The following RPS6KA2 variants were observed in gnomAD, a reference collection of about 807,000 sequenced individuals.
The protein encoded by RPS6KA2 is ribosomal protein S6 kinase alpha-2.
Under a neutral mutation model 91.8 loss-of-function variants are expected in RPS6KA2, and 42 were observed. That is an observed-to-expected ratio of 0.46 (90% CI 0.36 to 0.59). The LOEUF is 0.59. RPS6KA2 is among the 20% of genes least tolerant of loss of function. The pLI is 0.00. For synonymous variants in RPS6KA2, 414 were observed against 393.6 expected (o/e 1.05, Z -0.61); for missense variants, 798 against 978.5 (o/e 0.82, Z 2.46).
chr6:166,635,803 G>A lies in RPS6KA2; in HGVS notation c.124-97019C>T, dbSNP rs1247300887. Among the ~76,000 whole-genome samples, 3 of 151,942 alleles carry A rather than the reference G, an allele frequency of 2.0e-5. No homozygotes were observed. Among genetic ancestry groups the A allele is most frequent in the African/African-American group, 7.3e-5 (3 of 41,370 alleles). ...GGACAAGCCACCATCCCCACCCTGG[G>A]GAGAAGGCTGCATCCACCCCAGGAG... On this transcript the variant is annotated intron_variant, in intron 2 of 21. Coordinates refer to the RPS6KA2 transcript ENST00000503859. The surrounding 1 kb of genome is among the most constrained non-coding windows in gnomAD (Gnocchi z 4.8).
At chr6:166,486,259 CACACACACACAT>C (rs57646994) in intron 10 of RPS6KA2, among the ~76,000 whole-genome samples, 54,841 of 150,682 alleles carry the variant, frequency 0.36, 10,348 homozygotes, top group East Asian at 0.56. Context: ...GCTGTGAGCA[CACACACACACAT>C]GTGCACGCAC....
intron 2 of RPS6KA2, among the ~76,000 whole-genome samples, chr6:166,715,692 G>A (rs1042684553): frequency 1.5e-4 from 23 of 152,112 alleles, no homozygotes; most frequent in African/African-American, 5.1e-4. Flanking sequence ...GCACACACAC[G>A]GCTGCGCTGA....
At chr6:166,700,470 T>C (rs1789476077) in intron 2 of RPS6KA2, among the ~76,000 whole-genome samples, 1 of 151,386 alleles carries the variant, frequency 6.6e-6, no homozygotes, top group Non-Finnish European at 1.5e-5. Flanking sequence ...ACTTCTATCA[T>C]TATAAAGTAT....
chr6:166,433,712 T>C lies in RPS6KA2; in HGVS notation c.1333-1222A>G, dbSNP rs1779209800. ...ATGAGGGTGACTTGCTTTTAACTTC[T>C]ATCATGTCAAAGTCTCTAGGCAGAG... On this transcript the variant is annotated intron_variant, in intron 14 of 20. Coordinates refer to ENST00000265678, the MANE Select transcript of RPS6KA2 (RefSeq NM_021135.6). This position sits in a 1 kb window ranked among gnomAD's most constrained non-coding sequence, Gnocchi z 4.4. 6.6e-6 allele frequency among the ~76,000 whole-genome samples: 1 copy of C among 152,232 alleles called. No homozygotes were observed. The highest frequency in any genetic ancestry group is 2.1e-4 in the South Asian group (1 of 4,824).
chr6:166,497,771 C>T (rs542307702), intron 8 of RPS6KA2, among the ~76,000 whole-genome samples: 7 of 152,366 alleles, frequency 4.6e-5, no homozygotes, highest in African/African-American at 7.2e-5. Flanking sequence ...TTCTGCCACA[C>T]GCCAGCGGAG....
intron 1 of RPS6KA2, among the ~76,000 whole-genome samples, chr6:166,623,532 A>C (rs917353511): frequency 2.0e-5 from 3 of 152,216 alleles, no homozygotes; most frequent in Non-Finnish European, 4.4e-5. Flanking sequence ...TAGGCCAGAC[A>C]CTCAGAGGGT....
chr6:166,450,366 G>A (rs1355128834), intron 13 of RPS6KA2, among the ~76,000 whole-genome samples: 2 of 124,042 alleles, frequency 1.6e-5, no homozygotes, highest in East Asian at 5.7e-4. Context: ...CTAGGCACCA[G>A]CATGGGGACC....
chr6:166,772,435 G>A (rs969793268), intron 2 of RPS6KA2, among the ~76,000 whole-genome samples: 2 of 152,216 alleles, frequency 1.3e-5, no homozygotes, highest in Non-Finnish European at 2.9e-5. Context: ...GTGTCCTGCC[G>A]ACAGCTTCGG....
chr6:166,446,332 C>G (rs1035088485), intron 14 of RPS6KA2, among the ~76,000 whole-genome samples: 3 of 152,232 alleles, frequency 2.0e-5, no homozygotes, highest in Non-Finnish European at 2.9e-5. Flanking sequence ...CATGGGGCTG[C>G]ACCTTCCCGT....
rs540219215 is a variant in RPS6KA2 at position 166,444,422 on chromosome 6, T to C, written c.1332+4302A>G. 3.0e-4 allele frequency among the ~76,000 whole-genome samples: 45 copies of C among 152,370 alleles called. No homozygotes were observed. The South Asian group carries it at 8.1e-3, about 27-fold the overall frequency. On this transcript the variant is annotated intron_variant, in intron 14 of 20. Coordinates refer to ENST00000265678, the MANE Select transcript of RPS6KA2 (RefSeq NM_021135.6). ...TAAAAACAAAGGCGGACTTTAGTTT[T>C]CCATTAGATTACTTAGCTGTTTTGT... is the stretch of plus-strand genomic sequence containing the variant.
At chr6:166,734,966 C>G (rs1431087774) in intron 2 of RPS6KA2, among the ~76,000 whole-genome samples, 4 of 152,190 alleles carry the variant, frequency 2.6e-5, no homozygotes, top group Non-Finnish European at 5.9e-5. Flanking sequence ...AGAAAGAAGT[C>G]TCAGTTTAGA....
chr6:166,458,232 A>G (rs1780166961), intron 12 of RPS6KA2, among the ~76,000 whole-genome samples: 2 of 152,168 alleles, frequency 1.3e-5, no homozygotes, highest in African/African-American at 2.4e-5. Context: ...CATGTGTTGT[A>G]GGAGGGACCT....
At chr6:166,621,140 A>G (rs1274037771) in intron 1 of RPS6KA2, among the ~76,000 whole-genome samples, 1 of 152,238 alleles carries the variant, frequency 6.6e-6, no homozygotes, top group Non-Finnish European at 1.5e-5. Flanking sequence ...ATTCTTGGGA[A>G]CACCCTCTGA....
chr6:166,819,802 T>G (rs1279671963), intron 2 of RPS6KA2, among the ~76,000 whole-genome samples: 4 of 152,208 alleles, frequency 2.6e-5, no homozygotes, highest in African/African-American at 9.7e-5. Context: ...GCTGTATGAA[T>G]AATGCTGCAA....
At chr6:166,470,383 CG>C (rs1170249039) in intron 10 of RPS6KA2, among the ~76,000 whole-genome samples, 2 of 152,176 alleles carry the variant, frequency 1.3e-5, no homozygotes, top group African/African-American at 4.8e-5. Context: ...GACTGAGTCC[CG>C]GAGGAAGCCA....
chr6:166,831,883 T>C (rs1780192282), intron 2 of RPS6KA2, among the ~76,000 whole-genome samples: 1 of 126,050 alleles, frequency 7.9e-6, no homozygotes, highest in African/African-American at 2.8e-5. Flanking sequence ...GATAGACAGA[T>C]GATAGATGGA....
intron 3 of RPS6KA2, among the ~76,000 whole-genome samples, chr6:166,513,111 G>A (rs3778426): frequency 0.011 from 1,679 of 152,116 alleles, 28 homozygotes; most frequent in African/African-American, 0.038. Context: ...TCTCATAATC[G>A]TTTAAGAAAG....
At chr6:166,422,116 T>C (rs1277046932) in intron 17 of RPS6KA2, among the ~76,000 whole-genome samples, 1 of 152,140 alleles carries the variant, frequency 6.6e-6, no homozygotes, top group East Asian at 1.9e-4. Flanking sequence ...GCCAGGCTGG[T>C]CTCCAACTCC....
chr6:166,470,811 A>G (rs561685333), intron 10 of RPS6KA2, among the ~76,000 whole-genome samples: 15 of 152,340 alleles, frequency 9.8e-5, no homozygotes, highest in African/African-American at 3.6e-4. Flanking sequence ...GTTTCTGTTC[A>G]GTTTTTCTGT....
Sources: allele counts gnomAD v4.1 joint callset (sites outside exome capture counted in the v4.1 genomes callset), GRCh38; gene constraint gnomAD v4.1.1; non-coding constraint Gnocchi (gnomAD v3.1); transcripts MANE v1.5; gene names NCBI Gene and HGNC (gene_info 2026-07-23, HGNC 2026-07-21).